The following RASA3 variants were observed in gnomAD, a reference collection of about 807,000 sequenced individuals.
RASA3 encodes the protein RAS p21 protein activator 3, also known as ras GTPase-activating protein 3.
In RASA3, 73 loss-of-function variants were observed where a neutral mutation model predicts 110.0. The ratio of observed to expected loss-of-function variants is 0.66; its 90% confidence interval spans 0.55 to 0.81. The LOEUF is 0.81. Ranked by LOEUF, RASA3 falls within the 30% of genes least tolerant of loss-of-function variation. The probability of loss-of-function intolerance (pLI) is 0.00; values close to 1 mark genes in which losing one functional copy is unlikely to be tolerated. For synonymous variants in RASA3, 500 were observed against 451.4 expected (o/e 1.11, Z -1.37); for missense variants, 976 against 1,113.2 (o/e 0.88, Z 1.75).
rs1207238547 is a variant in RASA3, at chr13:114,115,379, A to G, written c.55+17056T>C. Among the ~76,000 whole-genome samples the G allele has an allele frequency of 6.6e-6, 1 of 152,208 alleles. No homozygotes were observed. The highest frequency in any genetic ancestry group is 1.9e-4 in the East Asian group (1 of 5,192). Reference sequence around the variant, plus strand: ...ACCGACCCTTGGCCCGGGCGAGGCCACGTGTCCCACAAAACATAAGGCTTG... The same window carrying G: ...ACCGACCCTTGGCCCGGGCGAGGCCGCGTGTCCCACAAAACATAAGGCTTG... On this transcript the variant is annotated intron_variant, in intron 1 of 23. Coordinates refer to ENST00000334062, the MANE Select transcript of RASA3 (RefSeq NM_007368.4). The surrounding 1 kb of genome is among the most constrained non-coding windows in gnomAD (Gnocchi z 5.0).
chr13:114,107,412 G>A (rs1486354878), intron 1 of RASA3, among the ~76,000 whole-genome samples: 6 of 152,308 alleles, frequency 3.9e-5, no homozygotes, highest in Non-Finnish European at 8.8e-5. Context: ...ATTTTCCCAC[G>A]CTGGAGGTCT....
At chr13:114,069,297 G>A (rs966511726) in intron 2 of RASA3, among the ~76,000 whole-genome samples, 13 of 151,880 alleles carry the variant, frequency 8.6e-5, no homozygotes, top group African/African-American at 3.1e-4. Flanking sequence ...CAGACCCAGC[G>A]GCCAGAGAGC....
rs907266430 is a variant in RASA3 at position 114,025,464 on chromosome 13, A to G, written c.604-1109T>C. Among the ~76,000 whole-genome samples, 49 of 149,044 alleles carry G rather than the reference A, an allele frequency of 3.3e-4. 2 individuals carry two copies. Among genetic ancestry groups the G allele is most frequent in the Admixed American group, 6.6e-5 (1 of 15,098 alleles). Reference sequence around the variant, plus strand: ...CCCTCTCTGCAGGGCAGGTCAGGCAATGCCTCCTCCAGGAAGCCCCCAGTG... The same window carrying G: ...CCCTCTCTGCAGGGCAGGTCAGGCAGTGCCTCCTCCAGGAAGCCCCCAGTG... On this transcript the variant is annotated intron_variant, in intron 7 of 23. Coordinates refer to ENST00000334062, the MANE Select transcript of RASA3 (RefSeq NM_007368.4).
At chr13:114,072,080 A>G (rs922567186) in intron 2 of RASA3, among the ~76,000 whole-genome samples, 1 of 151,972 alleles carries the variant, frequency 6.6e-6, no homozygotes, top group Non-Finnish European at 1.5e-5. Flanking sequence ...CTGATCCCCA[A>G]GCCGCTCCCT....
At chr13:113,984,680 C>T (rs891921672) in intron 22 of RASA3, among the ~76,000 whole-genome samples, 1 of 100,452 alleles carries the variant, frequency 1.0e-5, no homozygotes, top group African/African-American at 3.2e-5. Context: ...CCACCCATCA[C>T]TCATCCATCT....
At chr13:114,069,554 TC>T (rs1289349262) in intron 2 of RASA3, among the ~76,000 whole-genome samples, 2 of 9,752 alleles carry the variant, frequency 2.1e-4, no homozygotes, top group African/African-American at 5.2e-4. Context: ...GTCGGGAGAC[TC>T]GGGGGTTGGG....
intron 3 of RASA3, among the ~76,000 whole-genome samples, chr13:114,051,502 T>A (rs2079145913): frequency 6.6e-6 from 1 of 152,196 alleles, no homozygotes; most frequent in Non-Finnish European, 1.5e-5. Flanking sequence ...GCCGCCTTCC[T>A]GTGATACCAG....
At chr13:113,996,405 C>T (rs984566122) in intron 21 of RASA3, 126 bp downstream of exon 21, 9 of 997,866 alleles carry the variant, frequency 9.0e-6, no homozygotes, top group South Asian at 6.6e-5. Flanking sequence ...TGGGAGGAGG[C>T]GAGGGCAGCC....
chr13:114,030,743 T>C (rs1239784005), intron 4 of RASA3, among the ~76,000 whole-genome samples: 1 of 151,746 alleles, frequency 6.6e-6, no homozygotes, highest in African/African-American at 2.4e-5. Context: ...TGCGTGCGGT[T>C]TGTGTGTGCA....
Position 113,993,955 on chromosome 13 carries a change from C to T in RASA3, c.2142-1367G>A, listed in dbSNP as rs559818554. Among the ~76,000 whole-genome samples, 167 of 152,194 alleles carry T rather than the reference C, an allele frequency of 1.1e-3. 1 individual carries two copies. Among genetic ancestry groups the T allele is most frequent in the Admixed American group, 3.6e-3 (55 of 15,280 alleles). On this transcript the variant is annotated intron_variant, in intron 21 of 23. Coordinates refer to ENST00000334062, the MANE Select transcript of RASA3 (RefSeq NM_007368.4). ...CAACAGGGAGGGCCTGATAGGAACG[C>T]GCGGGGCTGTTATTTTTAGCAAAAT...
At chr13:114,102,630 G>GC (rs1229011501) in intron 1 of RASA3, among the ~76,000 whole-genome samples, 1 of 152,190 alleles carries the variant, frequency 6.6e-6, no homozygotes. Context: ...CGGTGAGCAG[G>GC]CCACATGGCC....
In RASA3 at chr13:114,132,513, C is replaced by A. The variant is rs1047139681; in HGVS notation, c.-24G>T. ...ATGCTGCGCGTCCGCGCCCGCCGAG[C>A]CTCGCCCCAAGCGCGCGCCGAGCCC... On this transcript the variant is annotated 5_prime_UTR_variant, in exon 1 of 24. Transcript: ENST00000334062. The A allele has an allele frequency of 1.4e-6, 2 of 1,476,544 alleles. No homozygotes were observed. Among genetic ancestry groups the A allele is most frequent in the Non-Finnish European group, 1.8e-6 (2 of 1,117,176 alleles). The allele number at this position is 1,476,544 out of a possible 1,614,324, so 91.5% of individuals were successfully genotyped here. A position where few individuals can be genotyped will look rare whatever the true frequency, so the allele number is the denominator to read the frequency against.
chr13:114,112,478 C>A lies in RASA3; in HGVS notation c.55+19957G>T, dbSNP rs992763893. 6.6e-6 allele frequency among the ~76,000 whole-genome samples: 1 copy of A among 152,174 alleles called. No individual in the cohort carries two copies. The highest frequency in any genetic ancestry group is 1.5e-5 in the Non-Finnish European group (1 of 68,040). ...TTAGACCGGGGTCTCAGATTTCAGCCGGACGGGAACTCTCTGCAGGGCCGG... is the reference window on the plus strand; with the variant it reads ...TTAGACCGGGGTCTCAGATTTCAGCAGGACGGGAACTCTCTGCAGGGCCGG... On this transcript the variant is annotated intron_variant, in intron 1 of 23. Transcript: ENST00000334062. The surrounding 1 kb of genome is among the most constrained non-coding windows in gnomAD (Gnocchi z 4.8).
Position 114,018,815 on chromosome 13 carries a change from G to A in RASA3, c.890C>T (p.Ser297Phe). 3 of 1,613,826 alleles carry A rather than the reference G, an allele frequency of 1.9e-6. No individual in the cohort carries two copies. The highest frequency in any genetic ancestry group is 2.5e-6 in the Non-Finnish European group (3 of 1,179,998). ...VVYTEDHVFS[S>F]DYYSPLRDLL... ...GTCCCGCAGAGGGCTGTAATAGTCAGAAGAAAACACGTGGTCTTCCGTGTA... is the reference window on the plus strand; with the variant it reads ...GTCCCGCAGAGGGCTGTAATAGTCAAAAGAAAACACGTGGTCTTCCGTGTA... Residue 297 changes from serine to phenylalanine, a missense_variant, in exon 10 of 24, where the codon TCT becomes TTT. Physicochemically the swap from Ser to Phe is radical, Grantham distance 155. Transcript: ENST00000334062.
rs564658834 is a variant in RASA3 at position 114,018,396 on chromosome 13, C to G, written c.943-144G>C. ...GAAACACACACATTCACAAAAACAC[C>G]AAACTTCCCATTTGCTGCTGCTTGG... On this transcript the variant is annotated intron_variant, in intron 10 of 23. Transcript: ENST00000334062. The G allele has an allele frequency of 1.9e-5, 23 of 1,183,270 alleles. No homozygotes were observed. The East Asian group carries it at 6.1e-4, about 31-fold the overall frequency. The allele number at this position is 1,183,270 out of a possible 1,614,324, so 73.3% of individuals were successfully genotyped here. A position where few individuals can be genotyped will look rare whatever the true frequency, so the allele number is the denominator to read the frequency against.
At chr13:114,034,938 G>C (rs950395206) in intron 4 of RASA3, among the ~76,000 whole-genome samples, 3 of 151,510 alleles carry the variant, frequency 2.0e-5, no homozygotes, top group Non-Finnish European at 2.9e-5. Flanking sequence ...ACGCTGACCT[G>C]AGCTTAGAGC....
chr13:114,126,122 G>C (rs1217541453), intron 1 of RASA3, among the ~76,000 whole-genome samples: 1 of 116,186 alleles, frequency 8.6e-6, no homozygotes, highest in Non-Finnish European at 1.8e-5. Context: ...CAGAGGTACC[G>C]GCACCTGCTG....
In RASA3 at chr13:114,065,227, C is replaced by T. The variant is rs993977548; in HGVS notation, c.173+8493G>A. 6.6e-6 allele frequency among the ~76,000 whole-genome samples: 1 copy of T among 152,226 alleles called. No individual in the cohort carries two copies. The highest frequency in any genetic ancestry group is 6.5e-5 in the Admixed American group (1 of 15,286). Reference sequence around the variant, plus strand: ...TCCCTGAGTCACTTCCCAGCATCTGCGCAAGGCTGGCGCTGCCCCATCCCG... The same window carrying T: ...TCCCTGAGTCACTTCCCAGCATCTGTGCAAGGCTGGCGCTGCCCCATCCCG... On this transcript the variant is annotated intron_variant, in intron 2 of 23. Transcript: ENST00000334062. This position sits in a 1 kb window ranked among gnomAD's most constrained non-coding sequence, Gnocchi z 4.1.
intron 1 of RASA3, among the ~76,000 whole-genome samples, chr13:114,108,166 T>C (rs1005380679): frequency 6.6e-6 from 1 of 151,858 alleles, no homozygotes; most frequent in African/African-American, 2.4e-5. Flanking sequence ...CCCATCATCC[T>C]CCGTCATCCC....
Sources: allele counts gnomAD v4.1 joint callset (sites outside exome capture counted in the v4.1 genomes callset), GRCh38; gene constraint gnomAD v4.1.1; non-coding constraint Gnocchi (gnomAD v3.1); transcripts MANE v1.5; gene names NCBI Gene and HGNC (gene_info 2026-07-23, HGNC 2026-07-21).